WDR70: variants seen among roughly 807,000 people sequenced by gnomAD.
The protein encoded by WDR70 is WD repeat domain 70.
A neutral mutation model predicts 88.6 loss-of-function variants in WDR70; 53 were observed. The ratio of observed to expected loss-of-function variants is 0.60; its 90% confidence interval spans 0.48 to 0.75. The LOEUF (loss-of-function observed/expected upper bound fraction) is 0.75. Ranked by LOEUF, WDR70 falls within the 30% of genes least tolerant of loss-of-function variation. The pLI is 0.00. For missense variants in WDR70, 610 were observed against 823.2 expected (o/e 0.74, Z 3.17); for synonymous variants, 280 against 270.0 (o/e 1.04, Z -0.36).
intron 17 of WDR70, among the ~76,000 whole-genome samples, chr5:37,746,227 A>G (rs1242462957): frequency 1.3e-5 from 2 of 152,214 alleles, no homozygotes; most frequent in African/African-American, 4.8e-5. Flanking sequence ...TTTGAAACCA[A>G]TGAGAACAAA....
At chr5:37,681,131 T>C (rs1317605584) in intron 10 of WDR70, among the ~76,000 whole-genome samples, 1 of 152,150 alleles carries the variant, frequency 6.6e-6, no homozygotes, top group Non-Finnish European at 1.5e-5. Context: ...TTTTTTTTTG[T>C]AGTTTTCATT....
At chr5:37,611,162 T>C (rs1482640271) in intron 10 of WDR70, among the ~76,000 whole-genome samples, 1 of 152,210 alleles carries the variant, frequency 6.6e-6, no homozygotes, top group Non-Finnish European at 1.5e-5. Flanking sequence ...AATTTGCTTT[T>C]AGTGGGTTTT....
chr5:37,688,421 C>T (rs774544233), intron 10 of WDR70, among the ~76,000 whole-genome samples: 1 of 152,100 alleles, frequency 6.6e-6, no homozygotes, highest in African/African-American at 2.4e-5. Flanking sequence ...GATATCTATA[C>T]GTATTGCTTA....
intron 5 of WDR70, among the ~76,000 whole-genome samples, chr5:37,418,531 A>G (rs1051032917): frequency 8.5e-5 from 13 of 152,134 alleles, no homozygotes; most frequent in African/African-American, 3.1e-4. Flanking sequence ...CGTGTTAGCC[A>G]GGATGGTAAT....
intron 7 of WDR70, among the ~76,000 whole-genome samples, chr5:37,447,937 TAAAAA>T (rs1274499080): frequency 5.9e-5 from 9 of 151,830 alleles, no homozygotes; most frequent in Non-Finnish European, 1.2e-4. Context: ...AAAGTGTAAT[TAAAAA>T]AGAAAAAAAG....
chr5:37,528,908 GT>G (rs1228946391), intron 9 of WDR70, among the ~76,000 whole-genome samples: 1,560 of 137,552 alleles, frequency 0.011, 30 homozygotes, highest in African/African-American at 0.037. Flanking sequence ...TCTAGAGGGG[GT>G]TTTTTTTTTT....
intron 7 of WDR70, among the ~76,000 whole-genome samples, chr5:37,451,587 A>G (rs76190225): frequency 0.17 from 25,202 of 151,572 alleles, 2,225 homozygotes; most frequent in South Asian, 0.28. Context: ...AGTGCACACA[A>G]ACTACCACAA....
chr5:37,715,820 C>T (rs780489756), intron 13 of WDR70, among the ~76,000 whole-genome samples: 17 of 152,250 alleles, frequency 1.1e-4, no homozygotes, highest in Admixed American at 5.9e-4. Context: ...AGTTCTTTCT[C>T]CAGTATTTTT....
At chr5:37,459,457 A>T (rs1285481710) in intron 7 of WDR70, among the ~76,000 whole-genome samples, 1 of 142,684 alleles carries the variant, frequency 7.0e-6, no homozygotes, top group Non-Finnish European at 1.5e-5. Flanking sequence ...CCTATTTAAT[A>T]AATGGTGCTG....
intron 9 of WDR70, among the ~76,000 whole-genome samples, chr5:37,583,294 C>T (rs560512694): frequency 5.1e-4 from 78 of 151,756 alleles, no homozygotes; most frequent in Middle Eastern, 3.4e-3. Flanking sequence ...GGCGTGGTGG[C>T]GGGCTAGTCC....
chr5:37,389,985 C>A (rs1452027543), intron 3 of WDR70, among the ~76,000 whole-genome samples: 1 of 152,124 alleles, frequency 6.6e-6, no homozygotes, highest in African/African-American at 2.4e-5. Context: ...AAGAATACAA[C>A]ATTCCACTTG....
At chr5:37,465,273 CATTTCCTCATCTGCTTTGACACTTTA>C (rs1210831599) in intron 7 of WDR70, among the ~76,000 whole-genome samples, 1 of 152,176 alleles carries the variant, frequency 6.6e-6, no homozygotes, top group African/African-American at 2.4e-5. Context: ...TTGGGAGTTT[CATTTCCTCATCTGCTTTGACACTTTA>C]ATCTTGGACA....
At chr5:37,613,566 A>G (rs935683492) in intron 10 of WDR70, among the ~76,000 whole-genome samples, 1 of 152,164 alleles carries the variant, frequency 6.6e-6, no homozygotes, top group African/African-American at 2.4e-5. Flanking sequence ...CAGAAGACAA[A>G]AGAATTACTT....
chr5:37,427,262 G>A (rs943773212), intron 5 of WDR70, among the ~76,000 whole-genome samples: 2 of 151,844 alleles, frequency 1.3e-5, no homozygotes, highest in African/African-American at 2.4e-5. Flanking sequence ...GGTGGCGGGC[G>A]CCTGTAATCC....
At chr5:37,395,689 A>G (rs1386861018) in intron 4 of WDR70, among the ~76,000 whole-genome samples, 1 of 152,170 alleles carries the variant, frequency 6.6e-6, no homozygotes. Context: ...TTGGATTCAA[A>G]TATAGTTAAT....
Position 37,558,565 on chromosome 5 carries a change from A to G in WDR70, c.917+41975A>G, listed in dbSNP as rs141951923. Among the ~76,000 whole-genome samples the G allele has an allele frequency of 1.1e-4, 17 of 152,058 alleles. No homozygotes were observed. In the East Asian group the frequency reaches 2.9e-3, roughly 26 times the overall value. ...GGTCTTGAACTCCTCGGCTCAAACA[A>G]TCCACCCGCCTCAGCCTCCTAAAGT... On this transcript the variant is annotated intron_variant, in intron 9 of 17. Transcript: ENST00000265107.
At chr5:37,740,345 C>A (rs975755361) in intron 17 of WDR70, among the ~76,000 whole-genome samples, 74 of 152,088 alleles carry the variant, frequency 4.9e-4, no homozygotes, top group African/African-American at 1.8e-3. Context: ...GAAATAAATT[C>A]AAAGATAAAA....
chr5:37,470,668 A>G (rs1056112417), intron 7 of WDR70, among the ~76,000 whole-genome samples: 2 of 152,166 alleles, frequency 1.3e-5, no homozygotes, highest in South Asian at 2.1e-4. Context: ...GTACATTTCA[A>G]TTGCTGTACA....
intron 17 of WDR70, among the ~76,000 whole-genome samples, chr5:37,744,367 C>T (rs1215979538): frequency 2.6e-5 from 4 of 152,150 alleles, no homozygotes; most frequent in Non-Finnish European, 5.9e-5. Context: ...CAGAGTGCCT[C>T]TTCTCCTCCA....
Sources: gnomAD v4.1 joint callset for allele counts (sites outside exome capture counted in the v4.1 genomes callset) on GRCh38, gnomAD v4.1.1 for gene constraint, MANE v1.5 for transcripts, NCBI Gene and HGNC (gene_info 2026-07-23, HGNC 2026-07-21) for gene names.